Variants in TMPRSS15 observed in about 807,000 individuals in gnomAD.
TMPRSS15 encodes the protein transmembrane serine protease 15.
Under a neutral mutation model 125.3 loss-of-function variants are expected in TMPRSS15, and 128 were observed. The observed-to-expected ratio is 1.02, with a 90% CI of 0.89 to 1.18. TMPRSS15 has a LOEUF of 1.18. Among genes scored for constraint, TMPRSS15 ranks in the 50% most tolerant of loss-of-function variants. The pLI is 0.00. For missense variants in TMPRSS15, 1,283 were observed against 1,212.7 expected (o/e 1.06, Z -0.86); for synonymous variants, 446 against 423.2 (o/e 1.05, Z -0.66).
intron 13 of TMPRSS15, among the ~76,000 whole-genome samples, chr21:18,340,225 A>G (rs1474595252): frequency 6.6e-6 from 1 of 152,184 alleles, no homozygotes; most frequent in Non-Finnish European, 1.5e-5. Flanking sequence ...CAGCTAGAAT[A>G]AAAGCAGGCA....
intron 21 of TMPRSS15, among the ~76,000 whole-genome samples, chr21:18,292,047 A>G (rs1400387655): frequency 6.6e-6 from 1 of 152,210 alleles, no homozygotes; most frequent in African/African-American, 2.4e-5. Context: ...AAAGATACCT[A>G]CGAGGACACA....
At chr21:18,286,462 T>C (rs1029623478) in intron 21 of TMPRSS15, among the ~76,000 whole-genome samples, 1 of 152,196 alleles carries the variant, frequency 6.6e-6, no homozygotes, top group African/African-American at 2.4e-5. Context: ...AAGCTTAATA[T>C]ATAAAAATCA....
At chr21:18,394,944 A>G (rs1315787282) in intron 3 of TMPRSS15, among the ~76,000 whole-genome samples, 2 of 152,160 alleles carry the variant, frequency 1.3e-5, no homozygotes, top group Non-Finnish European at 2.9e-5. Context: ...ATGCATAACC[A>G]TTAAAAAGGA....
At chr21:18,281,711 G>C (rs1020247637) in intron 21 of TMPRSS15, among the ~76,000 whole-genome samples, 1 of 152,140 alleles carries the variant, frequency 6.6e-6, no homozygotes, top group Non-Finnish European at 1.5e-5. Flanking sequence ...CCTGTTAAGG[G>C]CTTTTTCAGA....
chr21:18,445,827 T>C (rs985595615), intron 1 of TMPRSS15, among the ~76,000 whole-genome samples: 2 of 152,168 alleles, frequency 1.3e-5, no homozygotes, highest in African/African-American at 4.8e-5. Flanking sequence ...AAAGGGCATA[T>C]ATATCAAACC....
chr21:18,296,588 C>T (rs1470535668), intron 19 of TMPRSS15, among the ~76,000 whole-genome samples: 1 of 152,146 alleles, frequency 6.6e-6, no homozygotes, highest in Non-Finnish European at 1.5e-5. Flanking sequence ...GTTTTGATCT[C>T]AAGCATGCAT....
At chr21:18,451,050 A>G (rs1009369475) in intron 1 of TMPRSS15, among the ~76,000 whole-genome samples, 4 of 152,130 alleles carry the variant, frequency 2.6e-5, no homozygotes, top group Non-Finnish European at 5.9e-5. Context: ...TGTTCTATCA[A>G]ATTTATGCAA....
chr21:18,362,975 A>C (rs890959298), intron 7 of TMPRSS15, among the ~76,000 whole-genome samples: 1 of 152,194 alleles, frequency 6.6e-6, no homozygotes, highest in Non-Finnish European at 1.5e-5. Flanking sequence ...TATTGGCTGT[A>C]TGCTAACTGT....
At chr21:18,485,557 A>T (rs1289628632) in intron 1 of TMPRSS15, among the ~76,000 whole-genome samples, 4 of 151,852 alleles carry the variant, frequency 2.6e-5, no homozygotes, top group Non-Finnish European at 5.9e-5. Flanking sequence ...TAGTTACAAA[A>T]TTTTTTTCAG....
intron 24 of TMPRSS15, among the ~76,000 whole-genome samples, chr21:18,273,947 T>C (rs2074590369): frequency 6.6e-6 from 1 of 152,200 alleles, no homozygotes; most frequent in South Asian, 2.1e-4. Context: ...TCAATTTAGA[T>C]GGCTCGTCAT....
chr21:18,287,770 A>G (rs1432230599), intron 21 of TMPRSS15, among the ~76,000 whole-genome samples: 1 of 152,228 alleles, frequency 6.6e-6, no homozygotes, highest in African/African-American at 2.4e-5. Flanking sequence ...TAAAGACATA[A>G]ATCTAAAAAG....
chr21:18,299,014 T>C (rs2074936673), intron 18 of TMPRSS15, among the ~76,000 whole-genome samples: 1 of 152,244 alleles, frequency 6.6e-6, no homozygotes, highest in South Asian at 2.1e-4. Context: ...GTCTATTTAA[T>C]GTTCCAGAAT....
In TMPRSS15 at chr21:18,358,928, G is replaced by T. The variant is rs543460437; in HGVS notation, c.880+829C>A. On this transcript the variant is annotated intron_variant, in intron 8 of 24. Transcript: ENST00000284885. The stretch of plus-strand genomic sequence containing the variant: ...GTATAAATACAATTTGAGAGGCAAG[G>T]TTCTTAAAATAAAGTTATTATATAA... 2.6e-5 allele frequency among the ~76,000 whole-genome samples: 4 copies of T among 152,066 alleles called. No homozygotes were observed. The South Asian group carries it at 6.2e-4, about 24-fold the overall frequency.
At chr21:18,306,240 G>A (rs2075037070) in intron 18 of TMPRSS15, among the ~76,000 whole-genome samples, 1 of 152,040 alleles carries the variant, frequency 6.6e-6, no homozygotes, top group South Asian at 2.1e-4. Context: ...ATATGAACAA[G>A]GGCAGAAGCA....
In TMPRSS15 at chr21:18,294,278, G is replaced by A. The variant is rs370908748; in HGVS notation, c.2478C>T (p.Cys826=). Residue 826 remains cysteine (C), a synonymous_variant, in exon 21 of 25, where the codon TGC becomes TGT. Coordinates refer to ENST00000284885, the MANE Select transcript of TMPRSS15 (RefSeq NM_002772.3). ...CTTGACATCACACTCACCCATACAC[G>A]CAGTGTGCGGCGGACACCAGCCAGT... ...SSDWLVSAAH[C]VYGRNLEPSK... is the part of the protein sequence containing the mutation. 29 of 1,614,044 alleles carry A rather than the reference G, an allele frequency of 1.8e-5. No individual in the cohort carries two copies. The highest frequency in any genetic ancestry group is 6.7e-5 in the Admixed American group (4 of 60,004).
chr21:18,275,777 T>C (rs2074612822), intron 23 of TMPRSS15, among the ~76,000 whole-genome samples: 1 of 152,206 alleles, frequency 6.6e-6, no homozygotes, highest in South Asian at 2.1e-4. Flanking sequence ...TGTGGTGCTA[T>C]GTGAGTGAGC....
chr21:18,444,513 T>C (rs2076250594), intron 1 of TMPRSS15, among the ~76,000 whole-genome samples: 1 of 152,044 alleles, frequency 6.6e-6, no homozygotes, highest in Admixed American at 6.6e-5. Context: ...AGGGATAGCA[T>C]TAAGAGAAAT....
At chr21:18,321,349 C>CTTTTTTTTTTTTT (rs751011766) in intron 16 of TMPRSS15, among the ~76,000 whole-genome samples, 1 of 100,596 alleles carries the variant, frequency 9.9e-6, no homozygotes, top group African/African-American at 4.1e-5. Flanking sequence ...TTTTTTCCTT[C>CTTTTTTTTTTTTT]TTTTTTTTTT....
intron 21 of TMPRSS15, among the ~76,000 whole-genome samples, chr21:18,288,850 T>G (rs1027728121): frequency 1.3e-5 from 2 of 152,136 alleles, no homozygotes; most frequent in African/African-American, 4.8e-5. Flanking sequence ...TTCCTCTTTT[T>G]TATCTGCAAA....
Sources: allele counts gnomAD v4.1 joint callset (sites outside exome capture counted in the v4.1 genomes callset), GRCh38; gene constraint gnomAD v4.1.1; transcripts MANE v1.5; gene names NCBI Gene and HGNC (gene_info 2026-07-23, HGNC 2026-07-21).